The following ERC1 variants were observed in gnomAD, a reference collection of about 807,000 sequenced individuals.
The protein encoded by ERC1 is RAB6 interacting protein 2.
ERC1 carries 56 observed loss-of-function variants against 132.0 expected under a neutral mutation model. That is an observed-to-expected ratio of 0.42 (90% CI 0.34 to 0.53). The LOEUF is 0.53. Among genes scored for constraint, ERC1 ranks in the 20% least tolerant of loss-of-function variants. The pLI, the probability that ERC1 is intolerant of heterozygous loss-of-function variation, is 0.03. For missense variants in ERC1, 1,202 were observed against 1,349.9 expected, an observed-to-expected ratio of 0.89 and a Z score of 1.72; for synonymous variants, 478 against 476.1, an observed-to-expected ratio of 1.00 and a Z score of -0.05.
rs1410237179 is a variant in ERC1 at position 1,444,649 on chromosome 12, G to A, written c.3112G>A (p.Asp1038Asn). 6.2e-7 allele frequency: 1 copy of A among 1,614,102 alleles called. No homozygotes were observed. Among genetic ancestry groups the A allele is most frequent in the South Asian group, 1.1e-5 (1 of 91,082 alleles). Residue 1038 changes from aspartate (D) to asparagine (N), a missense_variant, in exon 18 of 19, where the codon GAC (aspartate) becomes AAC (asparagine). By Grantham distance (23) the Asp-to-Asn change is conservative. Coordinates refer to ENST00000360905, the MANE Select transcript of ERC1 (RefSeq NM_178040.4). ...CCTGACAACCCTCTGCCATGACCGA[G>A]ACCCCCTGATCCTCCGTGGACTCAC... Reference protein sequence around the residue: ...GHLTTLCHDRDPLILRGLTPP... With the variant: ...GHLTTLCHDRNPLILRGLTPP...
chr12:1,368,972 T>A (rs943835395), intron 15 of ERC1, among the ~76,000 whole-genome samples: 3 of 152,140 alleles, frequency 2.0e-5, no homozygotes, highest in Admixed American at 2.0e-4. Context: ...TGATGATCTG[T>A]TAGGGGATTT....
intron 8 of ERC1, among the ~76,000 whole-genome samples, chr12:1,166,440 A>G (rs2154263496): frequency 6.6e-6 from 1 of 152,236 alleles, no homozygotes; most frequent in Non-Finnish European, 1.5e-5. Flanking sequence ...TCCCAGTCTC[A>G]GATATGTCTT....
rs2154435777 is a variant in ERC1, at chr12:1,494,976, A to G, written c.*4746A>G. Reference sequence around the variant, plus strand: ...AGGGTAGTGCCTGCCTGGGCAAGAGACACCTGCCGAGCAAAAGGAACGAGA... The same window carrying G: ...AGGGTAGTGCCTGCCTGGGCAAGAGGCACCTGCCGAGCAAAAGGAACGAGA... On this transcript the variant is annotated 3_prime_UTR_variant, in exon 19 of 19. Coordinates refer to ENST00000360905, the MANE Select transcript of ERC1 (RefSeq NM_178040.4). 1 of 230,650 alleles carries G rather than the reference A, an allele frequency of 4.3e-6. No homozygotes were observed. Among genetic ancestry groups the G allele is most frequent in the East Asian group, 6.2e-5 (1 of 16,230 alleles). The allele number at this position is 230,650 out of a possible 1,614,324, so 14.3% of individuals were successfully genotyped here. A position where few individuals can be genotyped will look rare whatever the true frequency, so the allele number is the denominator to read the frequency against.
chr12:1,415,053 A>T (rs2092046978), intron 17 of ERC1, among the ~76,000 whole-genome samples: 1 of 152,244 alleles, frequency 6.6e-6, no homozygotes, highest in African/African-American at 2.4e-5. Flanking sequence ...TTTAAAGGAA[A>T]ATCATAATGA....
intron 1 of ERC1, among the ~76,000 whole-genome samples, chr12:999,091 C>T (rs1961599460): frequency 1.3e-5 from 2 of 152,094 alleles, no homozygotes; most frequent in South Asian, 4.1e-4. Flanking sequence ...AACTCCTGGC[C>T]TCAGGTGATC....
intron 15 of ERC1, among the ~76,000 whole-genome samples, chr12:1,315,579 G>T (rs565981119): frequency 1.3e-5 from 2 of 152,238 alleles, no homozygotes; most frequent in South Asian, 4.1e-4. Context: ...TCGAACTCCT[G>T]ACCTCAGGGG....
chr12:1,120,507 C>T (rs991999659), intron 7 of ERC1, among the ~76,000 whole-genome samples: 1 of 152,204 alleles, frequency 6.6e-6, no homozygotes, highest in African/African-American at 2.4e-5. Context: ...AGGCTACTCT[C>T]ACTAGTAACA....
chr12:1,119,254 T>C (rs1036188228), intron 7 of ERC1, among the ~76,000 whole-genome samples: 14 of 131,950 alleles, frequency 1.1e-4, no homozygotes, highest in African/African-American at 4.9e-4. Context: ...TTTTGTTTTG[T>C]TTTGTTTTTT....
chr12:1,187,325 TAAGGG>T (rs1392693916), intron 11 of ERC1, among the ~76,000 whole-genome samples: 2 of 152,176 alleles, frequency 1.3e-5, no homozygotes, highest in South Asian at 2.1e-4. Context: ...TTTGTTGTCA[TAAGGG>T]AAGGGAAGGT....
At chr12:1,187,739 C>T (rs1955263930) in intron 11 of ERC1, among the ~76,000 whole-genome samples, 1 of 152,250 alleles carries the variant, frequency 6.6e-6, no homozygotes, top group Middle Eastern at 3.4e-3. Context: ...ATTTTTTCTA[C>T]AAATAATTGA....
chr12:1,154,912 G>C (rs1951222960), intron 8 of ERC1, among the ~76,000 whole-genome samples: 1 of 152,116 alleles, frequency 6.6e-6, no homozygotes, highest in South Asian at 2.1e-4. Flanking sequence ...AATAATAGCT[G>C]GTATCATGGA....
At chr12:1,009,844 A>G (rs533843505) in intron 1 of ERC1, among the ~76,000 whole-genome samples, 1 of 152,272 alleles carries the variant, frequency 6.6e-6, no homozygotes, top group East Asian at 1.9e-4. Flanking sequence ...GGTGATGTAA[A>G]AGGTTTGATT....
At chr12:1,094,666 T>C (rs1185849374) in intron 3 of ERC1, among the ~76,000 whole-genome samples, 2 of 152,168 alleles carry the variant, frequency 1.3e-5, no homozygotes, top group African/African-American at 4.8e-5. Flanking sequence ...TGGTCTTGGC[T>C]TCCCAAATGC....
chr12:1,336,697 C>T (rs140929548), intron 15 of ERC1, among the ~76,000 whole-genome samples: 9 of 151,988 alleles, frequency 5.9e-5, no homozygotes, highest in African/African-American at 2.2e-4. Flanking sequence ...ATGTGCCATG[C>T]GAAGGTGAGA....
At chr12:1,052,804 C>G (rs1202794978) in intron 2 of ERC1, among the ~76,000 whole-genome samples, 1 of 152,030 alleles carries the variant, frequency 6.6e-6, no homozygotes, top group South Asian at 2.1e-4. Flanking sequence ...ACCCCGTCTC[C>G]ACTAAAAATA....
In ERC1 at chr12:1,464,511, CTTTTTTTT is replaced by C. The variant is rs34542821; in HGVS notation, c.3213+19780_3213+19787del. On this transcript the variant is annotated intron_variant, in intron 18 of 18. Coordinates refer to ENST00000360905, the MANE Select transcript of ERC1 (RefSeq NM_178040.4). ...GCTTTGCAGCAAAGAATGCAAAAGC[CTTTTTTTT>C]TTTTTTTTTTTTTTTTTTGAGACAG... is the stretch of plus-strand genomic sequence containing the variant. 8.3e-3 allele frequency among the ~76,000 whole-genome samples: 562 copies of C among 67,458 alleles called. 3 individuals are homozygous for C. Among genetic ancestry groups the C allele is most frequent in the African/African-American group, 0.029 (526 of 17,990 alleles). The allele number at this position is 67,458 out of a possible 152,430, so 44.3% of individuals were successfully genotyped here. A position where few individuals can be genotyped will look rare whatever the true frequency, so the allele number is the denominator to read the frequency against.
chr12:1,319,849 A>G (rs555370707), intron 15 of ERC1, among the ~76,000 whole-genome samples: 6 of 152,250 alleles, frequency 3.9e-5, no homozygotes, highest in African/African-American at 9.6e-5. Flanking sequence ...TAACTTTTCA[A>G]AGTACCTAAA....
intron 18 of ERC1, among the ~76,000 whole-genome samples, chr12:1,452,163 T>A (rs2154416663): frequency 6.6e-6 from 1 of 152,310 alleles, no homozygotes; most frequent in African/African-American, 2.4e-5. Flanking sequence ...TGAGATGTTC[T>A]CTGGGCACAG....
intron 15 of ERC1, among the ~76,000 whole-genome samples, chr12:1,362,425 C>T (rs1399275041): frequency 6.6e-6 from 1 of 151,944 alleles, no homozygotes; most frequent in African/African-American, 2.4e-5. Flanking sequence ...CGTTGATCTT[C>T]AGAGCTCTGT....
Sources: allele counts gnomAD v4.1 joint callset (sites outside exome capture counted in the v4.1 genomes callset), GRCh38; gene constraint gnomAD v4.1.1; transcripts MANE v1.5; gene names NCBI Gene and HGNC (gene_info 2026-07-23, HGNC 2026-07-21).